Variants in FAM91A1 observed in about 807,000 individuals in gnomAD.
The protein encoded by FAM91A1 is protein FAM91A1.
FAM91A1 carries 41 observed loss-of-function variants against 113.5 expected under a neutral mutation model. That is an observed-to-expected ratio of 0.36 (90% CI 0.28 to 0.47). FAM91A1 has a LOEUF of 0.47. Ranked by LOEUF, FAM91A1 falls within the 20% of genes least tolerant of loss-of-function variation. The pLI, the probability that FAM91A1 is intolerant of heterozygous loss-of-function variation, is 1.00. For synonymous variants in FAM91A1, 307 were observed against 347.9 expected (o/e 0.88, Z 1.31); for missense variants, 696 against 1,001.2 (o/e 0.70, Z 4.11).
Position 123,804,490 on chromosome 8 carries a change from T to TAAA in FAM91A1, c.1810-748_1810-746dup, listed in dbSNP as rs57808944. On this transcript the variant is annotated intron_variant, in intron 18 of 23. Coordinates refer to ENST00000334705, the MANE Select transcript of FAM91A1 (RefSeq NM_144963.4). ...TGAGTAACAGAGCAAGACTCTGTTTTAAAAAAAAAAAAAAAAAAAAAAAAA... is the reference window on the plus strand; with the variant it reads ...TGAGTAACAGAGCAAGACTCTGTTTTAAAAAAAAAAAAAAAAAAAAAAAAAAAA... Among the ~76,000 whole-genome samples, 30 of 73,864 alleles carry TAAA rather than the reference T, an allele frequency of 4.1e-4. 10 individuals carry two copies. Among genetic ancestry groups the TAAA allele is most frequent in the African/African-American group, 3.8e-4 (7 of 18,374 alleles). The allele number at this position is 73,864 out of a possible 152,430, so 48.5% of individuals were successfully genotyped here.
chr8:123,794,666 A>G (rs1444892848), intron 15 of FAM91A1, among the ~76,000 whole-genome samples: 1 of 152,230 alleles, frequency 6.6e-6, no homozygotes, highest in Non-Finnish European at 1.5e-5. Flanking sequence ...TATTGCAGTT[A>G]AAAGTGATCA....
intron 3 of FAM91A1, among the ~76,000 whole-genome samples, chr8:123,775,776 C>T (rs1405037861): frequency 6.6e-6 from 1 of 152,022 alleles, no homozygotes; most frequent in Non-Finnish European, 1.5e-5. Context: ...ACCATCCTGG[C>T]CAACATGGTG....
intron 16 of FAM91A1, among the ~76,000 whole-genome samples, chr8:123,799,105 A>T (rs1815613773): frequency 6.6e-6 from 1 of 152,244 alleles, no homozygotes; most frequent in African/African-American, 2.4e-5. Flanking sequence ...TAATGATAAT[A>T]ATAGCTAATA....
rs533040839 is a variant in FAM91A1 at position 123,808,907 on chromosome 8, G to C, written c.2152G>C (p.Ala718Pro). The C allele has an allele frequency of 6.2e-7, 1 of 1,610,424 alleles. No individual in the cohort carries two copies. The highest frequency in any genetic ancestry group is 8.5e-7 in the Non-Finnish European group (1 of 1,178,512). The part of the protein sequence containing the change: ...TKQTSGATTE[A>P]DWVPLELCFG... ...TCCTTTCTTAGGTGCCACAACAGAA[G>C]CAGATTGGGTTCCTCTCGAGCTGTG... is the stretch of plus-strand genomic sequence containing the variant. Residue 718 changes from alanine to proline, a missense_variant, in exon 22 of 24, where the codon GCA (alanine) becomes CCA (proline). Transcript: ENST00000334705.
intron 20 of FAM91A1, among the ~76,000 whole-genome samples, chr8:123,806,972 G>T (rs561391973): frequency 1.0e-3 from 152 of 151,444 alleles, no homozygotes; most frequent in African/African-American, 3.6e-3. Flanking sequence ...TTCTGCTCTG[G>T]CATAATATTG....
chr8:123,786,065 C>T (rs1414583691), intron 11 of FAM91A1: 3 of 350,790 alleles, frequency 8.6e-6, no homozygotes, highest in East Asian at 8.9e-5. Flanking sequence ...CTGATCCACC[C>T]ACCTTGGCCT....
chr8:123,792,231 A>G (rs985711902), intron 15 of FAM91A1, among the ~76,000 whole-genome samples: 4 of 152,176 alleles, frequency 2.6e-5, no homozygotes, highest in African/African-American at 9.7e-5. Flanking sequence ...GTTTGAGGAA[A>G]AAGAATTTTC....
At position 123,783,033 on chromosome 8, in the gene FAM91A1, A is replaced by G. The variant is rs568031723; in HGVS notation, c.704-1437A>G. ...AAAATAAAAATGAAAAGAATTAGTC[A>G]TGCGTGTTGGCATGTGGCTGTAGTC... On this transcript the variant is annotated intron_variant, in intron 8 of 23. Transcript: ENST00000334705. Among the ~76,000 whole-genome samples, 5 of 152,246 alleles carry G rather than the reference A, an allele frequency of 3.3e-5. No homozygotes were observed. In the South Asian group the frequency reaches 1.0e-3, roughly 32 times the overall value.
intron 15 of FAM91A1, among the ~76,000 whole-genome samples, chr8:123,790,242 G>A (rs912980632): frequency 6.6e-6 from 1 of 152,174 alleles, no homozygotes; most frequent in Non-Finnish European, 1.5e-5. Context: ...CAATTTTAAG[G>A]TATTGATGAA....
Position 123,768,525 on chromosome 8 carries a change from G to A in FAM91A1, c.-178G>A. The stretch of plus-strand genomic sequence containing the variant: ...TCCAATCGCTGCTGCTCTTGTACTC[G>A]GTTGGCCCGGGCGGCGCTGAACTGT... On this transcript the variant is annotated 5_prime_UTR_variant, in exon 1 of 24. Coordinates refer to ENST00000334705, the MANE Select transcript of FAM91A1 (RefSeq NM_144963.4). 1 of 532,996 alleles carries A rather than the reference G, an allele frequency of 1.9e-6. No individual in the cohort carries two copies. The highest frequency in any genetic ancestry group is 2.0e-5 in the African/African-American group (1 of 49,072). The allele number at this position is 532,996 out of a possible 1,614,324, so 33.0% of individuals were successfully genotyped here.
intron 1 of FAM91A1, among the ~76,000 whole-genome samples, chr8:123,772,523 C>T (rs539466014): frequency 6.6e-6 from 1 of 152,192 alleles, no homozygotes; most frequent in Non-Finnish European, 1.5e-5. Context: ...AATGTTAAGA[C>T]AGATGAAAGT....
intron 14 of FAM91A1, 140 bp from the exon 15 acceptor site, chr8:123,789,473 A>G: frequency 8.5e-7 from 1 of 1,183,282 alleles, no homozygotes; most frequent in Non-Finnish European, 1.2e-6. Context: ...ACTGAGGTTA[A>G]TAACTTGTTT....
intron 4 of FAM91A1, among the ~76,000 whole-genome samples, 200 bp downstream of exon 4, chr8:123,777,522 A>G (rs916911769): frequency 3.3e-5 from 5 of 152,238 alleles, no homozygotes; most frequent in African/African-American, 1.2e-4. Context: ...AGAGAGGCAT[A>G]TTTGAGAGTG....
intron 8 of FAM91A1, among the ~76,000 whole-genome samples, chr8:123,782,156 A>AG (rs1815141149): frequency 6.6e-6 from 1 of 152,234 alleles, no homozygotes; most frequent in South Asian, 2.1e-4. Context: ...AAGCAGTCAG[A>AG]GAAGGGCCAG....
At chr8:123,772,929 A>T (rs1336521489) in intron 1 of FAM91A1, among the ~76,000 whole-genome samples, 1 of 152,176 alleles carries the variant, frequency 6.6e-6, no homozygotes, top group African/African-American at 2.4e-5. Context: ...AGAGGTCTTC[A>T]TCCTTCTCTT....
chr8:123,776,669 A>G (rs143863966), intron 3 of FAM91A1, among the ~76,000 whole-genome samples: 208 of 152,298 alleles, frequency 1.4e-3, no homozygotes, highest in African/African-American at 4.7e-3. Flanking sequence ...TTACATCCAC[A>G]TGGTTGCTGC....
At chr8:123,772,200 G>T (rs1814863303) in intron 1 of FAM91A1, among the ~76,000 whole-genome samples, 1 of 152,212 alleles carries the variant, frequency 6.6e-6, no homozygotes, top group Non-Finnish European at 1.5e-5. Flanking sequence ...TTCAGGACCA[G>T]TTATTACTTA....
rs75527749 is a variant in FAM91A1 at position 123,783,722 on chromosome 8, A to G, written c.704-748A>G. ...ACAGGGGAGAATGGCAAAGGAAAGC[A>G]TAGAGCTTGTTTTTTATTGGCTGGG... On this transcript the variant is annotated intron_variant, in intron 8 of 23. Transcript: ENST00000334705. 7.0e-3 allele frequency among the ~76,000 whole-genome samples: 1,065 copies of G among 152,338 alleles called. 5 individuals are homozygous for G. Among genetic ancestry groups the G allele is most frequent in the African/African-American group, 0.024 (992 of 41,584 alleles).
chr8:123,812,476 G>C, intron 23 of FAM91A1, 43 bp from the exon 24 acceptor site: 1 of 1,508,060 alleles, frequency 6.6e-7, no homozygotes, highest in Non-Finnish European at 8.9e-7. Context: ...AGTGGTTTTG[G>C]TAAAGTGTTG....
Sources: gnomAD v4.1 joint callset for allele counts (sites outside exome capture counted in the v4.1 genomes callset) on GRCh38, gnomAD v4.1.1 for gene constraint, MANE v1.5 for transcripts, NCBI Gene and HGNC (gene_info 2026-07-23, HGNC 2026-07-21) for gene names.